Variants in DNAH9 observed in about 807,000 individuals in gnomAD.
DNAH9 encodes dynein axonemal heavy chain 9, also known as DNAH9 variant protein.
In DNAH9, 345 loss-of-function variants were observed where a neutral mutation model predicts 471.6. The observed-to-expected ratio is 0.73, with a 90% confidence interval of 0.67 to 0.80. The LOEUF (loss-of-function observed/expected upper bound fraction) is 0.80, where lower values mean the gene tolerates loss of function less well. Among genes scored for constraint, DNAH9 ranks in the 30% least tolerant of loss-of-function variants. DNAH9 has a pLI of 0.00. For synonymous variants in DNAH9, 2,093 were observed against 2,123.6 expected (o/e 0.99, Z 0.40); for missense variants, 5,407 against 5,609.2 (o/e 0.96, Z 1.15).
chr17:11,611,564 C>A (rs548101127), intron 3 of DNAH9, 86 bp from the exon 4 acceptor site: 10 of 1,399,056 alleles, frequency 7.1e-6, no homozygotes, highest in Middle Eastern at 4.3e-4. Context: ...CAGGGCTCCT[C>A]TCTTTCTGTG....
chr17:11,665,801 A>G (rs1422889165), intron 15 of DNAH9, among the ~76,000 whole-genome samples: 1 of 152,250 alleles, frequency 6.6e-6, no homozygotes, highest in Non-Finnish European at 1.5e-5. Context: ...AGAGTTTTTA[A>G]GAACTCAAGG....
At chr17:11,829,661 G>T (rs1018368387) in intron 48 of DNAH9, among the ~76,000 whole-genome samples, 3 of 152,016 alleles carry the variant, frequency 2.0e-5, no homozygotes, top group Admixed American at 1.3e-4. Context: ...TAGTAGAGAT[G>T]GGGGTCTCGC....
chr17:11,944,386 A>C (rs1330593888), intron 67 of DNAH9, among the ~76,000 whole-genome samples: 1 of 152,176 alleles, frequency 6.6e-6, no homozygotes, highest in Non-Finnish European at 1.5e-5. Flanking sequence ...CCAGGGAAGC[A>C]GTGGCATTGA....
intron 22 of DNAH9, among the ~76,000 whole-genome samples, chr17:11,696,712 T>A (rs888090099): frequency 2.4e-4 from 37 of 152,204 alleles, no homozygotes; most frequent in Admixed American, 2.0e-3. Context: ...TAGCAGTTCT[T>A]TTTTTCCTAT....
intron 15 of DNAH9, among the ~76,000 whole-genome samples, chr17:11,666,363 G>A (rs942817800): frequency 3.9e-5 from 6 of 152,246 alleles, no homozygotes; most frequent in Non-Finnish European, 7.4e-5. Flanking sequence ...CTCCTGATCT[G>A]GGCTATCCGA....
At chr17:11,915,672 T>C (rs944682460) in intron 61 of DNAH9, among the ~76,000 whole-genome samples, 25 of 152,198 alleles carry the variant, frequency 1.6e-4, no homozygotes, top group Non-Finnish European at 4.4e-5. Context: ...ACCATGAGCC[T>C]TCCTAACCTA....
At chr17:11,889,348 CT>C (rs1972979156) in intron 57 of DNAH9, among the ~76,000 whole-genome samples, 1 of 152,212 alleles carries the variant, frequency 6.6e-6, no homozygotes, top group African/African-American at 2.4e-5. Flanking sequence ...TTTTCAAGTA[CT>C]TTAATTGGTT....
At chr17:11,752,068 G>A (rs1240905442) in intron 32 of DNAH9, among the ~76,000 whole-genome samples, 3 of 152,108 alleles carry the variant, frequency 2.0e-5, no homozygotes, top group Admixed American at 6.5e-5. Flanking sequence ...CTGTAAAAAT[G>A]TATTAGGGAC....
intron 5 of DNAH9, among the ~76,000 whole-genome samples, chr17:11,617,960 T>G (rs989128581): frequency 4.6e-5 from 7 of 152,202 alleles, no homozygotes; most frequent in Non-Finnish European, 1.0e-4. Flanking sequence ...CAGCCTCTGA[T>G]GTCAGGTAGA....
intron 45 of DNAH9, among the ~76,000 whole-genome samples, chr17:11,818,157 G>A (rs914850706): frequency 2.6e-5 from 4 of 152,206 alleles, no homozygotes; most frequent in African/African-American, 9.7e-5. Context: ...TGGGCCGGGC[G>A]TGGTGGCTCA....
Position 11,762,770 on chromosome 17 carries a change from G to GTTTGTTTTTTTTTTTTTTTTTTTTT in DNAH9, c.6996-667_6996-666insGTTTTTTTTTTTTTTTTTTTTTTTT, listed in dbSNP as rs1193246497. ...CCTCTTTAGGTGCGTTTTTTTTTTT[G>GTTTGTTTTTTTTTTTTTTTTTTTTT]TTTTTTTTTTTTTTTTTTTTTTTTT... On this transcript the variant is annotated intron_variant, in intron 35 of 68. Transcript: ENST00000262442. 1.1e-4 allele frequency among the ~76,000 whole-genome samples: 10 copies of GTTTGTTTTTTTTTTTTTTTTTTTTT among 90,794 alleles called. 1 individual carries two copies. The highest frequency in any genetic ancestry group is 2.0e-4 in the Non-Finnish European group (9 of 45,776). The allele number at this position is 90,794 out of a possible 152,430, so 59.6% of individuals were successfully genotyped here.
Position 11,664,946 on chromosome 17 carries a change from C to T in DNAH9, c.2709C>T (p.Leu903=), listed in dbSNP as rs771780292. The change falls in exon 15 of 69, where the codon CTC becomes CTT. Residue 903 remains leucine (L), a synonymous_variant. Transcript: ENST00000262442. ...NGFFLAIECS[L]KYLLENTECK... The stretch of plus-strand genomic sequence containing the variant: ...TCTTTCTTGCCATTGAGTGCTCCCT[C>T]AAGTATCTTCTGGAAAATACTGGTA... 3 of 1,613,502 alleles carry T rather than the reference C, an allele frequency of 1.9e-6. No homozygotes were observed. Among genetic ancestry groups the T allele is most frequent in the East Asian group, 2.2e-5 (1 of 44,860 alleles).
chr17:11,680,677 G>T, intron 18 of DNAH9, 46 bp from the exon 19 acceptor site: 3 of 1,575,556 alleles, frequency 1.9e-6, no homozygotes, highest in Non-Finnish European at 1.7e-6. Flanking sequence ...TATGGGAGAG[G>T]AAAGAGCACC....
At chr17:11,639,104 A>G (rs1334010569) in intron 9 of DNAH9, among the ~76,000 whole-genome samples, 1 of 152,180 alleles carries the variant, frequency 6.6e-6, no homozygotes, top group South Asian at 2.1e-4. Flanking sequence ...CTCCTGCTGT[A>G]TGACATATCA....
chr17:11,678,599 T>G lies in DNAH9; in HGVS notation c.3354-1158T>G, dbSNP rs1011493719. Among the ~76,000 whole-genome samples, 2 of 152,238 alleles carry G rather than the reference T, an allele frequency of 1.3e-5. 1 individual carries two copies. The highest frequency in any genetic ancestry group is 4.8e-5 in the African/African-American group (2 of 41,464). On this transcript the variant is annotated intron_variant, in intron 17 of 68. Coordinates refer to ENST00000262442, the MANE Select transcript of DNAH9 (RefSeq NM_001372.4). ...AGTCGGTTATCAGTCTAGTTTTGTT[T>G]TTGTTGTATGTGTGCTGTCGTTGTT...
At chr17:11,712,790 A>G (rs2074895994) in intron 26 of DNAH9, among the ~76,000 whole-genome samples, 1 of 151,000 alleles carries the variant, frequency 6.6e-6, no homozygotes, top group Non-Finnish European at 1.5e-5. Context: ...GAGTTTGAGA[A>G]TTCTTTGTAT....
intron 51 of DNAH9, among the ~76,000 whole-genome samples, chr17:11,870,139 A>G (rs1972210750): frequency 6.6e-6 from 1 of 152,252 alleles, no homozygotes; most frequent in South Asian, 2.1e-4. Flanking sequence ...GGAAAGTCCC[A>G]GTATCTGAAG....
intron 57 of DNAH9, among the ~76,000 whole-genome samples, chr17:11,888,459 A>C (rs1972952639): frequency 6.6e-6 from 1 of 152,202 alleles, no homozygotes; most frequent in South Asian, 2.1e-4. Context: ...ATAGGTACCC[A>C]TCAGAAGCCT....
intron 48 of DNAH9, among the ~76,000 whole-genome samples, chr17:11,826,362 G>GGC (rs982697117): frequency 1.3e-5 from 2 of 150,276 alleles, no homozygotes; most frequent in African/African-American, 4.9e-5. Context: ...GGAAGCTGGG[G>GGC]GGGTAATTTT....
Sources: gnomAD v4.1 joint callset for allele counts (sites outside exome capture counted in the v4.1 genomes callset) on GRCh38, gnomAD v4.1.1 for gene constraint, MANE v1.5 for transcripts, NCBI Gene and HGNC (gene_info 2026-07-23, HGNC 2026-07-21) for gene names.